Variants in PIP5K1C observed in about 807,000 individuals in gnomAD.
The protein encoded by PIP5K1C is phosphatidylinositol 4-phosphate 5-kinase type-1 gamma.
A neutral mutation model predicts 80.1 loss-of-function variants in PIP5K1C; 45 were observed. The observed-to-expected ratio is 0.56, with a 90% confidence interval of 0.44 to 0.72. The LOEUF (loss-of-function observed/expected upper bound fraction) is 0.72, where lower values mean the gene tolerates loss of function less well. PIP5K1C is among the 30% of genes least tolerant of loss of function. The pLI is 0.00. For missense variants in PIP5K1C, 753 were observed against 954.6 expected (o/e 0.79, Z 2.78); for synonymous variants, 498 against 420.1 (o/e 1.19, Z -2.27).
intron 16 of PIP5K1C, chr19:3,636,286 C>T (rs1445898960): frequency 2.8e-6 from 2 of 705,310 alleles, no homozygotes; most frequent in African/African-American, 3.8e-5. Context: ...GCAGCTGGGA[C>T]CCAGAACCGG....
At chr19:3,651,749 A>G in intron 8 of PIP5K1C, 77 bp downstream of exon 8, 1 of 1,424,472 alleles carries the variant, frequency 7.0e-7, no homozygotes, top group Non-Finnish European at 9.9e-7. Flanking sequence ...CTGTTTTCAC[A>G]CTTGGGACGG....
chr19:3,691,477 G>T (rs1382765977), intron 1 of PIP5K1C, among the ~76,000 whole-genome samples: 1 of 152,068 alleles, frequency 6.6e-6, no homozygotes, highest in Non-Finnish European at 1.5e-5. Flanking sequence ...CCACGCCCAG[G>T]TTCCCTGCCC....
At chr19:3,652,894 C>T (rs1266655357) in intron 7 of PIP5K1C, among the ~76,000 whole-genome samples, 4 of 152,160 alleles carry the variant, frequency 2.6e-5, no homozygotes, top group African/African-American at 9.7e-5. Flanking sequence ...CCACTGTCAT[C>T]GTGTAACCTC....
At chr19:3,649,880 GC>G (rs1424090494) in intron 8 of PIP5K1C, 2 of 280,806 alleles carry the variant, frequency 7.1e-6, no homozygotes, top group African/African-American at 4.6e-5. Flanking sequence ...CACGTCCCCT[GC>G]CCAGCGCGGT....
At chr19:3,645,197 G>A (rs1220225199) in intron 11 of PIP5K1C, among the ~76,000 whole-genome samples, 1 of 152,186 alleles carries the variant, frequency 6.6e-6, no homozygotes, top group Admixed American at 6.5e-5. Context: ...CCGTGGGTGC[G>A]GACCCGCAGA....
chr19:3,655,870 A>G (rs1568329549), intron 6 of PIP5K1C, among the ~76,000 whole-genome samples: 1 of 151,886 alleles, frequency 6.6e-6, no homozygotes, highest in African/African-American at 2.4e-5. Context: ...GCCGGCTCCT[A>G]CTCCTACTCC....
In PIP5K1C at chr19:3,650,372, C is replaced by T. The variant is rs947966734; in HGVS notation, c.1127+1454G>A. 7.9e-5 allele frequency among the ~76,000 whole-genome samples: 12 copies of T among 152,382 alleles called. No individual in the cohort carries two copies. In the South Asian group the frequency reaches 1.2e-3, roughly 16 times the overall value. ...ACAGGTACCAAAGTGAAGGCTCGGG[C>T]CTGCCCCCACTGTCAGGGTGCTGCT... On this transcript the variant is annotated intron_variant, in intron 8 of 17. Coordinates refer to ENST00000335312, the MANE Select transcript of PIP5K1C (RefSeq NM_012398.3).
At chr19:3,644,320 C>A in intron 11 of PIP5K1C, 69 bp from the exon 12 acceptor site, 1 of 1,512,990 alleles carries the variant, frequency 6.6e-7, no homozygotes. Context: ...GACAGGGCCG[C>A]CGCCCACATA....
chr19:3,653,143 A>T, intron 7 of PIP5K1C, 147 bp downstream of exon 7: 2 of 684,920 alleles, frequency 2.9e-6, no homozygotes, highest in Non-Finnish European at 4.9e-6. Context: ...GCGCTTCTGG[A>T]TCCCACACTG....
At chr19:3,641,192 G>A (rs1005037185) in intron 15 of PIP5K1C, among the ~76,000 whole-genome samples, 8 of 151,788 alleles carry the variant, frequency 5.3e-5, no homozygotes, top group East Asian at 1.9e-4. Context: ...TCCAGCCTGG[G>A]CAAGAGAGCA....
At chr19:3,678,737 T>C (rs537148248) in intron 1 of PIP5K1C, among the ~76,000 whole-genome samples, 2 of 44,046 alleles carry the variant, frequency 4.5e-5, no homozygotes, top group African/African-American at 9.3e-5. Flanking sequence ...GATGGCAGGA[T>C]GGAGGGAGGG....
rs540620882 is a variant in PIP5K1C, at chr19:3,637,580, G to A, written c.1920+1304C>T. 6.3e-5 allele frequency: 96 copies of A among 1,534,666 alleles called. No homozygotes were observed. The East Asian group carries it at 2.0e-3, about 31-fold the overall frequency. On this transcript the variant is annotated intron_variant, in intron 16 of 17. Transcript: ENST00000335312. This position sits in a 1 kb window ranked among gnomAD's most constrained non-coding sequence, Gnocchi z 7.0. ...GTCACGGCCCGCAGTCGGCGATGGC[G>A]GGGAGAGTAAATCCAGTACCTCCCA...
intron 1 of PIP5K1C, among the ~76,000 whole-genome samples, chr19:3,697,973 C>T (rs751421263): frequency 1.3e-5 from 2 of 152,274 alleles, no homozygotes; most frequent in South Asian, 2.1e-4. Context: ...TAAACACCAA[C>T]GAGACATTGC....
At position 3,648,081 on chromosome 19, in the gene PIP5K1C, C is replaced by T. The variant is rs547440052; in HGVS notation, c.1211+544G>A. On this transcript the variant is annotated intron_variant, in intron 9 of 17. Coordinates refer to ENST00000335312, the MANE Select transcript of PIP5K1C (RefSeq NM_012398.3). This position sits in a 1 kb window ranked among gnomAD's most constrained non-coding sequence, Gnocchi z 4.3. ...CTGTCACCCAGCCTGGGGTGCAGTA[C>T]GGCCATCATAGCTCACTGCTGCAGC... Among the ~76,000 whole-genome samples, 10 of 152,164 alleles carry T rather than the reference C, an allele frequency of 6.6e-5. No individual in the cohort carries two copies. Among genetic ancestry groups the T allele is most frequent in the East Asian group, 1.9e-4 (1 of 5,186 alleles).
intron 1 of PIP5K1C, among the ~76,000 whole-genome samples, chr19:3,677,755 G>T (rs1568349119): frequency 1.7e-5 from 2 of 121,174 alleles, no homozygotes; most frequent in African/African-American, 3.3e-5. Flanking sequence ...ATGGAGGGAG[G>T]GATGGAGGAT....
At chr19:3,679,023 G>A (rs2035507543) in intron 1 of PIP5K1C, among the ~76,000 whole-genome samples, 1 of 151,948 alleles carries the variant, frequency 6.6e-6, no homozygotes, top group East Asian at 1.9e-4. Flanking sequence ...GGGATGGCGT[G>A]AACACAGCCA....
chr19:3,689,467 G>C (rs1205301812), intron 1 of PIP5K1C, among the ~76,000 whole-genome samples: 1 of 151,986 alleles, frequency 6.6e-6, no homozygotes, highest in Non-Finnish European at 1.5e-5. Context: ...TGGCCAACAT[G>C]GTGAAACCCT....
At chr19:3,661,766 G>T in intron 4 of PIP5K1C, 105 bp downstream of exon 4, 3 of 1,395,774 alleles carry the variant, frequency 2.1e-6, no homozygotes, top group Non-Finnish European at 3.0e-6. Flanking sequence ...CGCCAGGAGG[G>T]GCCAGGTGCT....
rs998772774 is a variant in PIP5K1C at position 3,688,517 on chromosome 19, T to C, written c.94+11780A>G. ...CTCCGGTGAGGCCACCCTCGCCCCC[T>C]GGTTTCAACTCCTGCTGTGAGCACC... On this transcript the variant is annotated intron_variant, in intron 1 of 17. Transcript: ENST00000335312. The surrounding 1 kb of genome is among the most constrained non-coding windows in gnomAD (Gnocchi z 5.3). Among the ~76,000 whole-genome samples, 1 of 152,062 alleles carries C rather than the reference T, an allele frequency of 6.6e-6. No individual in the cohort carries two copies. The highest frequency in any genetic ancestry group is 2.4e-5 in the African/African-American group (1 of 41,414).
Sources: allele counts gnomAD v4.1 joint callset (sites outside exome capture counted in the v4.1 genomes callset), GRCh38; gene constraint gnomAD v4.1.1; non-coding constraint Gnocchi (gnomAD v3.1); transcripts MANE v1.5; gene names NCBI Gene and HGNC (gene_info 2026-07-23, HGNC 2026-07-21).